The following RYR2 variants were observed in gnomAD, a reference collection of about 807,000 sequenced individuals.
The protein encoded by RYR2 is ryanodine receptor 2.
A neutral mutation model predicts 601.1 loss-of-function variants in RYR2; 227 were observed. The observed-to-expected ratio is 0.38, with a 90% CI of 0.34 to 0.42. The LOEUF (loss-of-function observed/expected upper bound fraction) is 0.42. Ranked by LOEUF, RYR2 falls within the 10% of genes least tolerant of loss-of-function variation. The pLI is 1.00. For missense variants in RYR2, 4,646 were observed against 6,156.5 expected, an observed-to-expected ratio of 0.75 and a Z score of 8.21; for synonymous variants, 2,223 against 2,175.1, an observed-to-expected ratio of 1.02 and a Z score of -0.61.
intron 27 of RYR2, among the ~76,000 whole-genome samples, chr1:237,556,356 G>T (rs902009552): frequency 2.0e-5 from 3 of 151,282 alleles, no homozygotes; most frequent in African/African-American, 7.3e-5. Flanking sequence ...CTGGAGTGCA[G>T]TGGTGCAATC....
At chr1:237,462,259 T>A (rs1389791891) in intron 16 of RYR2, among the ~76,000 whole-genome samples, 1 of 152,198 alleles carries the variant, frequency 6.6e-6, no homozygotes, top group Non-Finnish European at 1.5e-5. Context: ...TTTTCTTCAG[T>A]GTGTCTATTT....
intron 3 of RYR2, among the ~76,000 whole-genome samples, chr1:237,332,769 T>C (rs1380780713): frequency 6.6e-6 from 1 of 152,244 alleles, no homozygotes; most frequent in African/African-American, 2.4e-5. Context: ...AGATCTTTTA[T>C]CTTCTTCAAA....
intron 2 of RYR2, among the ~76,000 whole-genome samples, chr1:237,314,389 C>A (rs1694904664): frequency 6.6e-6 from 1 of 152,092 alleles, no homozygotes; most frequent in Non-Finnish European, 1.5e-5. Context: ...GGCAAAAATG[C>A]TTTCACATAT....
At chr1:237,449,540 A>C (rs1439888518) in intron 14 of RYR2, among the ~76,000 whole-genome samples, 1 of 152,126 alleles carries the variant, frequency 6.6e-6, no homozygotes, top group Non-Finnish European at 1.5e-5. Flanking sequence ...CTATATTTGC[A>C]CATGTAGTTA....
intron 23 of RYR2, among the ~76,000 whole-genome samples, chr1:237,508,403 T>G (rs1665484601): frequency 6.6e-6 from 1 of 151,836 alleles, no homozygotes; most frequent in African/African-American, 2.4e-5. Flanking sequence ...CTCCAGAAGT[T>G]TCAAAAATAG....
intron 12 of RYR2, among the ~76,000 whole-genome samples, chr1:237,436,217 T>C (rs1204113973): frequency 6.6e-6 from 1 of 152,046 alleles, no homozygotes; most frequent in Admixed American, 6.6e-5. Flanking sequence ...GGTAACCTCA[T>C]TGCAGGAGTG....
rs926335501 is a variant in RYR2 at position 237,759,091 on chromosome 1, TTTTTG to T, written c.11326-665_11326-661del. Among the ~76,000 whole-genome samples the T allele has an allele frequency of 2.0e-4, 30 of 152,104 alleles. No individual in the cohort carries two copies. In the East Asian group the frequency reaches 5.4e-3, roughly 27 times the overall value. ...CTCAGATTGTAATGCTGTTCGGGGT[TTTTTG>T]TTTTGTTTTGTTTTGTTTTTTGAGA... On this transcript the variant is annotated intron_variant, in intron 82 of 104. Coordinates refer to ENST00000366574, the MANE Select transcript of RYR2 (RefSeq NM_001035.3).
chr1:237,522,144 C>T (rs1364185819), intron 24 of RYR2, among the ~76,000 whole-genome samples: 2 of 152,170 alleles, frequency 1.3e-5, no homozygotes, highest in East Asian at 1.9e-4. Flanking sequence ...CAACAGGCCC[C>T]AGGGTGTGAT....
intron 35 of RYR2, among the ~76,000 whole-genome samples, chr1:237,605,312 C>T (rs189082648): frequency 6.6e-5 from 10 of 152,160 alleles, no homozygotes; most frequent in Non-Finnish European, 1.0e-4. Flanking sequence ...ACAGAACCAA[C>T]GACAAAAACC....
chr1:237,802,275 A>G (rs1660066053), intron 98 of RYR2: 1 of 163,834 alleles, frequency 6.1e-6, no homozygotes, highest in South Asian at 2.0e-4. Flanking sequence ...GGTTTTCCCC[A>G]AATTAAGTAC....
intron 12 of RYR2, among the ~76,000 whole-genome samples, chr1:237,430,811 C>T (rs1239006350): frequency 1.3e-5 from 2 of 152,150 alleles, no homozygotes; most frequent in Non-Finnish European, 2.9e-5. Flanking sequence ...AAAGCAATAG[C>T]TTTTGAAACC....
chr1:237,248,954 G>A (rs1285411216), intron 1 of RYR2, among the ~76,000 whole-genome samples: 2 of 151,954 alleles, frequency 1.3e-5, no homozygotes, highest in Admixed American at 6.6e-5. Context: ...TAGTAGAGAC[G>A]GGGTTTCTCC....
Position 237,445,463 on chromosome 1 carries a change from A to C in RYR2, c.1233A>C (p.Glu411Asp). 1 of 1,613,796 alleles carries C rather than the reference A, an allele frequency of 6.2e-7. No individual in the cohort carries two copies. The highest frequency in any genetic ancestry group is 8.5e-7 in the Non-Finnish European group (1 of 1,179,746). The change falls in exon 14 of 105, where the codon GAA becomes GAC. Residue 411 changes from glutamate (E) to aspartate (D), a missense_variant. By Grantham distance (45) the Glu-to-Asp change is conservative. This residue lies in a region of RYR2 where 1,807 missense variants were observed against 2,088.1 expected (regional missense o/e 0.87). Coordinates refer to ENST00000366574, the MANE Select transcript of RYR2 (RefSeq NM_001035.3). Reference sequence around the variant, plus strand: ...TAAGTTTGTCGAGATCCCAGCATGAAGAATCACGCACAGCCCGAGTTATCC... The same window carrying C: ...TAAGTTTGTCGAGATCCCAGCATGACGAATCACGCACAGCCCGAGTTATCC... ...DGISLSRSQH[E>D]ESRTARVIRS... is the part of the protein sequence containing the mutation.
intron 24 of RYR2, among the ~76,000 whole-genome samples, chr1:237,527,644 C>T (rs938119711): frequency 2.0e-5 from 3 of 152,164 alleles, no homozygotes; most frequent in Non-Finnish European, 4.4e-5. Flanking sequence ...ATCCTTTATT[C>T]CCACATGTCT....
Position 237,625,801 on chromosome 1 carries a change from T to C in RYR2, c.6163T>C (p.Ser2055Pro), listed in dbSNP as rs746490469. ...EKPVESDSKKSSTLQQLISET... is the reference protein window; with the variant it reads ...EKPVESDSKKPSTLQQLISET... ...ACCAGTTGAGAGTGACTCCAAAAAG[T>C]CCTGTAAGCAGTATGAGAGTGCACT... Residue 2055 changes from serine (S) to proline (P), a missense_variant, in exon 40 of 105, where the codon TCC (serine) becomes CCC (proline). Physicochemically the swap from Ser to Pro is moderately conservative, Grantham distance 74 (BLOSUM62 -1). Coordinates refer to ENST00000366574, the MANE Select transcript of RYR2 (RefSeq NM_001035.3). 1.9e-6 allele frequency: 3 copies of C among 1,613,384 alleles called. No individual in the cohort carries two copies. Among genetic ancestry groups the C allele is most frequent in the South Asian group, 1.1e-5 (1 of 91,028 alleles).
At chr1:237,580,093 G>T (rs1440533230) in intron 29 of RYR2, among the ~76,000 whole-genome samples, 2 of 151,490 alleles carry the variant, frequency 1.3e-5, no homozygotes, top group Middle Eastern at 3.5e-3. Flanking sequence ...CTGTGAGGAA[G>T]ACTGCACATC....
intron 71 of RYR2, among the ~76,000 whole-genome samples, chr1:237,713,359 T>A (rs1558271051): frequency 6.6e-6 from 1 of 152,160 alleles, no homozygotes; most frequent in Non-Finnish European, 1.5e-5. Flanking sequence ...ACCCACAAAT[T>A]TTCTCAAACT....
intron 56 of RYR2, among the ~76,000 whole-genome samples, chr1:237,661,194 G>T (rs962437458): frequency 2.0e-5 from 3 of 152,026 alleles, no homozygotes; most frequent in Non-Finnish European, 4.4e-5. Flanking sequence ...GTAACCAGTT[G>T]TAGGACATGG....
At chr1:237,411,777 T>C (rs1704480236) in intron 10 of RYR2, among the ~76,000 whole-genome samples, 1 of 152,196 alleles carries the variant, frequency 6.6e-6, no homozygotes, top group African/African-American at 2.4e-5. Context: ...CAATCAAATG[T>C]GAAAGTGAGT....
Sources: gnomAD v4.1 joint callset for allele counts (sites outside exome capture counted in the v4.1 genomes callset) on GRCh38, gnomAD v4.1.1 for gene constraint, gnomAD v4.1.1 regional missense constraint, MANE v1.5 for transcripts, NCBI Gene and HGNC (gene_info 2026-07-23, HGNC 2026-07-21) for gene names.